Variants in SH2D4A observed in about 807,000 individuals in gnomAD.
The protein encoded by SH2D4A is SH2 domain-containing protein 4A.
A neutral mutation model predicts 64.7 loss-of-function variants in SH2D4A; 70 were observed. The ratio of observed to expected loss-of-function variants is 1.08; its 90% confidence interval spans 0.89 to 1.32. SH2D4A has a LOEUF of 1.32. Ranked by LOEUF, SH2D4A falls within the 40% of genes most tolerant of loss-of-function variation. SH2D4A has a pLI of 0.00. For missense variants in SH2D4A, 706 were observed against 540.1 expected, an observed-to-expected ratio of 1.31 and a Z score of -3.04; for synonymous variants, 268 against 200.7, an observed-to-expected ratio of 1.34 and a Z score of -2.83.
Position 19,334,673 on chromosome 8 carries a change from TG to T in SH2D4A, c.342-12del. On this transcript the variant is annotated splice_polypyrimidine_tract_variant and intron_variant, in intron 3 of 9. Coordinates refer to ENST00000265807, the MANE Select transcript of SH2D4A (RefSeq NM_022071.4). The stretch of plus-strand genomic sequence containing the variant: ...GAATGTTTTTTGAGAATTTCACTTT[TG>T]CCTCTCTTCAGAAAAACTCACTCTG... 1 of 1,577,318 alleles carries T rather than the reference TG, an allele frequency of 6.3e-7. No individual in the cohort carries two copies. Among genetic ancestry groups the T allele is most frequent in the East Asian group, 2.3e-5 (1 of 44,354 alleles).
At chr8:19,314,661 G>A (rs1451330040) in intron 1 of SH2D4A, among the ~76,000 whole-genome samples, 2 of 152,116 alleles carry the variant, frequency 1.3e-5, no homozygotes, top group Admixed American at 6.5e-5. Flanking sequence ...CGCTCCAAAG[G>A]CTTTCGTTTG....
chr8:19,338,126 A>C (rs1488694975), intron 4 of SH2D4A, among the ~76,000 whole-genome samples: 4 of 152,188 alleles, frequency 2.6e-5, no homozygotes, highest in Non-Finnish European at 5.9e-5. Flanking sequence ...TAGTGAATGC[A>C]GTTACTTCTC....
rs2052415796 is a variant in SH2D4A at position 19,334,677 on chromosome 8, T to C, written c.342-9T>C. On this transcript the variant is annotated splice_polypyrimidine_tract_variant and intron_variant, in intron 3 of 9. Coordinates refer to ENST00000265807, the MANE Select transcript of SH2D4A (RefSeq NM_022071.4). ...GTTTTTTGAGAATTTCACTTTTGCC[T>C]CTCTTCAGAAAAACTCACTCTGAAG... is the stretch of plus-strand genomic sequence containing the variant. 1.9e-6 allele frequency: 3 copies of C among 1,581,468 alleles called. No homozygotes were observed. Among genetic ancestry groups the C allele is most frequent in the South Asian group, 1.2e-5 (1 of 85,738 alleles).
chr8:19,352,611 C>T (rs1002399208), intron 4 of SH2D4A, among the ~76,000 whole-genome samples: 1 of 152,154 alleles, frequency 6.6e-6, no homozygotes, highest in South Asian at 2.1e-4. Flanking sequence ...GGCTGTTATG[C>T]GTAAGAGCAT....
At chr8:19,385,502 C>T (rs1324284784) in intron 8 of SH2D4A, among the ~76,000 whole-genome samples, 1 of 152,096 alleles carries the variant, frequency 6.6e-6, no homozygotes, top group African/African-American at 2.4e-5. Flanking sequence ...CGCCTGGCCA[C>T]ACTTCAGCTA....
At chr8:19,379,648 C>T (rs989662537) in intron 8 of SH2D4A, among the ~76,000 whole-genome samples, 1 of 152,274 alleles carries the variant, frequency 6.6e-6, no homozygotes, top group Non-Finnish European at 1.5e-5. Context: ...CCAACAGTGG[C>T]TATGCCATAC....
chr8:19,314,779 C>A (rs539092535), intron 1 of SH2D4A, among the ~76,000 whole-genome samples: 2 of 152,210 alleles, frequency 1.3e-5, no homozygotes, highest in East Asian at 1.9e-4. Flanking sequence ...GTGGAATTCT[C>A]TATGTATACT....
At chr8:19,336,966 G>T (rs2052455160) in intron 4 of SH2D4A, among the ~76,000 whole-genome samples, 1 of 151,970 alleles carries the variant, frequency 6.6e-6, no homozygotes, top group African/African-American at 2.4e-5. Flanking sequence ...GATTAAAATG[G>T]AAATTAAAAT....
rs555316505 is a variant in SH2D4A at position 19,341,822 on chromosome 8, A to G, written c.513+6965A>G. ...ACGCTACCCAACTCTAGCCCGGGTG[A>G]CAGAGCAAAACCTTGTCTTAACAAA... On this transcript the variant is annotated intron_variant, in intron 4 of 9. Coordinates refer to ENST00000265807, the MANE Select transcript of SH2D4A (RefSeq NM_022071.4). Among the ~76,000 whole-genome samples, 12 of 149,064 alleles carry G rather than the reference A, an allele frequency of 8.1e-5. 2 individuals carry two copies. The South Asian group carries it at 2.6e-3, about 32-fold the overall frequency.
At chr8:19,333,421 G>T (rs527377335) in intron 3 of SH2D4A, among the ~76,000 whole-genome samples, 2 of 152,118 alleles carry the variant, frequency 1.3e-5, no homozygotes, top group Non-Finnish European at 2.9e-5. Flanking sequence ...GTTTTGATCT[G>T]TATGAGTGTA....
rs942641719 is a variant in SH2D4A at position 19,313,774 on chromosome 8, G to A, written c.-254G>A. 4 of 1,513,472 alleles carry A rather than the reference G, an allele frequency of 2.6e-6. No homozygotes were observed. The Admixed American group carries it at 6.1e-5, about 23-fold the overall frequency. 93.8% of individuals were successfully genotyped at this position (1,513,472 alleles called of 1,614,324 possible). ...TTCCCCGACGGCTTCTGGCGGCCAA[G>A]TGGATGTGGCGGGTGATCGAGCCAC... On this transcript the variant is annotated 5_prime_UTR_variant, in exon 1 of 10. It adds an upstream start codon to the 5' untranslated region. Coordinates refer to ENST00000265807, the MANE Select transcript of SH2D4A (RefSeq NM_022071.4).
In SH2D4A at chr8:19,373,552, C is replaced by G. The variant is rs2053144756; in HGVS notation, c.940C>G (p.Leu314Val). ...PLRNQGVVRT[L>V]SSSAQEDIIR... Reference sequence around the variant, plus strand: ...CAGAAATCAGGGAGTGGTGAGGACACTGTCCAGCTCTGCCCAAGAGGACAT... The same window carrying G: ...CAGAAATCAGGGAGTGGTGAGGACAGTGTCCAGCTCTGCCCAAGAGGACAT... Residue 314 changes from leucine to valine, a missense_variant, in exon 8 of 10, where the codon CTG (leucine) becomes GTG (valine). Leu to Val is a conservative substitution (Grantham distance 32). Coordinates refer to ENST00000265807, the MANE Select transcript of SH2D4A (RefSeq NM_022071.4). The G allele has an allele frequency of 1.2e-6, 2 of 1,609,242 alleles. No individual in the cohort carries two copies. Among genetic ancestry groups the G allele is most frequent in the Non-Finnish European group, 1.7e-6 (2 of 1,177,368 alleles).
chr8:19,345,551 A>G (rs913828210), intron 4 of SH2D4A, among the ~76,000 whole-genome samples: 5 of 152,204 alleles, frequency 3.3e-5, no homozygotes, highest in African/African-American at 1.2e-4. Flanking sequence ...TAAATAAGGC[A>G]CAGATGATGT....
chr8:19,364,088 A>G lies in SH2D4A; in HGVS notation c.723A>G (p.Ala241=), dbSNP rs746689230. 6 of 1,613,972 alleles carry G rather than the reference A, an allele frequency of 3.7e-6. No homozygotes were observed. The South Asian group carries it at 6.6e-5, about 18-fold the overall frequency. The change falls in exon 7 of 10, where the codon GCA becomes GCG. Residue 241 remains alanine (A), a synonymous_variant. Coordinates refer to ENST00000265807, the MANE Select transcript of SH2D4A (RefSeq NM_022071.4). The part of the protein sequence containing the change: ...EWQASLRKSK[A]ADEKRRSLAK... ...TTTTTCCAGTGCGAAAATCCAAAGCAGCTGATGAGAAGAGACGCTCCTTGG... is the reference window on the plus strand; with the variant it reads ...TTTTTCCAGTGCGAAAATCCAAAGCGGCTGATGAGAAGAGACGCTCCTTGG...
intron 4 of SH2D4A, among the ~76,000 whole-genome samples, chr8:19,351,476 G>T (rs534434327): frequency 6.6e-6 from 1 of 151,980 alleles, no homozygotes; most frequent in African/African-American, 2.4e-5. Context: ...GCTGGCAGGC[G>T]CCTGTAGTCC....
chr8:19,344,150 T>G (rs893479718), intron 4 of SH2D4A, among the ~76,000 whole-genome samples: 1 of 152,186 alleles, frequency 6.6e-6, no homozygotes, highest in Non-Finnish European at 1.5e-5. Flanking sequence ...CTTACCCTAG[T>G]ACCCATGTGT....
At chr8:19,372,069 C>T (rs1383441517) in intron 7 of SH2D4A, among the ~76,000 whole-genome samples, 2 of 152,152 alleles carry the variant, frequency 1.3e-5, no homozygotes, top group Non-Finnish European at 1.5e-5. Context: ...TCATATTGTC[C>T]TGAGTCTTCT....
At chr8:19,383,081 C>T (rs773048747) in intron 8 of SH2D4A, among the ~76,000 whole-genome samples, 1 of 151,894 alleles carries the variant, frequency 6.6e-6, no homozygotes, top group Non-Finnish European at 1.5e-5. Context: ...CATTGAATTT[C>T]TTGGATGTTT....
intron 4 of SH2D4A, among the ~76,000 whole-genome samples, chr8:19,352,925 A>C (rs1029457899): frequency 7.2e-5 from 11 of 152,132 alleles, no homozygotes; most frequent in African/African-American, 2.7e-4. Flanking sequence ...TGGGAGGATC[A>C]CTTGAGCCCA....
Sources: gnomAD v4.1 joint callset for allele counts (sites outside exome capture counted in the v4.1 genomes callset) on GRCh38, gnomAD v4.1.1 for gene constraint, MANE v1.5 for transcripts, NCBI Gene and HGNC (gene_info 2026-07-23, HGNC 2026-07-21) for gene names.